Variants in TSHZ2 observed in about 807,000 individuals in gnomAD.
TSHZ2 encodes the protein teashirt zinc finger homeobox 2, also known as teashirt homolog 2.
TSHZ2 carries 21 observed loss-of-function variants against 74.4 expected under a neutral mutation model. The observed-to-expected ratio is 0.28, with a 90% CI of 0.20 to 0.41. The LOEUF (loss-of-function observed/expected upper bound fraction) is 0.41, where lower values mean the gene tolerates loss of function less well. Ranked by LOEUF, TSHZ2 falls within the 10% of genes least tolerant of loss-of-function variation. The pLI is 1.00. For missense variants in TSHZ2, 1,244 were observed against 1,293.5 expected, an observed-to-expected ratio of 0.96 and a Z score of 0.59; for synonymous variants, 540 against 515.3, an observed-to-expected ratio of 1.05 and a Z score of -0.65.
chr20:53,416,477 T>C (rs1600622601), intron 2 of TSHZ2, among the ~76,000 whole-genome samples: 3 of 152,320 alleles, frequency 2.0e-5, no homozygotes. Flanking sequence ...CTCTGTAGCC[T>C]CTACCAGGAA....
chr20:53,112,926 A>G (rs1194185672), intron 1 of TSHZ2, among the ~76,000 whole-genome samples: 1 of 152,196 alleles, frequency 6.6e-6, no homozygotes, highest in Non-Finnish European at 1.5e-5. Flanking sequence ...AAGATATTGG[A>G]TTCTTTGTAA....
intron 2 of TSHZ2, among the ~76,000 whole-genome samples, chr20:53,335,085 G>A (rs778972893): frequency 6.6e-6 from 1 of 152,308 alleles, no homozygotes; most frequent in Middle Eastern, 3.4e-3. Flanking sequence ...ACCCAGGTGA[G>A]AGACGACCAT....
intron 2 of TSHZ2, among the ~76,000 whole-genome samples, chr20:53,418,691 GAC>G (rs2145711781): frequency 6.6e-6 from 1 of 152,210 alleles, no homozygotes; most frequent in Admixed American, 6.5e-5. Flanking sequence ...TTTAGGTGGG[GAC>G]ACAGAGTCAA....
At chr20:53,363,882 T>G (rs1282106486) in intron 2 of TSHZ2, among the ~76,000 whole-genome samples, 1 of 152,214 alleles carries the variant, frequency 6.6e-6, no homozygotes, top group African/African-American at 2.4e-5. Flanking sequence ...ATCTCATTCT[T>G]TTATTTGAGA....
chr20:53,030,981 C>T (rs977204512), intron 1 of TSHZ2, among the ~76,000 whole-genome samples: 9 of 152,098 alleles, frequency 5.9e-5, no homozygotes, highest in East Asian at 3.9e-4. Context: ...CTATTAACTT[C>T]GCCTTATTGC....
At chr20:53,204,332 TATCATCA>T (rs1989103930) in intron 1 of TSHZ2, among the ~76,000 whole-genome samples, 1 of 141,432 alleles carries the variant, frequency 7.1e-6, no homozygotes, top group Non-Finnish European at 1.6e-5. Flanking sequence ...TATGATACTA[TATCATCA>T]TATAACATGA....
intron 2 of TSHZ2, among the ~76,000 whole-genome samples, chr20:53,297,954 T>C (rs1021004994): frequency 5.3e-5 from 8 of 152,212 alleles, no homozygotes; most frequent in African/African-American, 1.9e-4. Context: ...TTGTACAAAA[T>C]GTCGAAACTT....
chr20:53,096,807 G>C (rs536444359), intron 1 of TSHZ2, among the ~76,000 whole-genome samples: 2 of 151,736 alleles, frequency 1.3e-5, no homozygotes, highest in Admixed American at 6.6e-5. Flanking sequence ...GCTTGAAATC[G>C]GGAGGCAGAG....
Position 53,256,708 on chromosome 20 carries a change from GA to G in TSHZ2, c.*8+140del. On this transcript the variant is annotated intron_variant, in intron 2 of 2. Transcript: ENST00000371497. The surrounding 1 kb of genome is among the most constrained non-coding windows in gnomAD (Gnocchi z 4.3). ...TTGCTGGAGTAGGATTTATTTTAAT[GA>G]AAGACCAGAACATGAAAACTAAGTC... The G allele has an allele frequency of 4.4e-6, 6 of 1,361,610 alleles. No individual in the cohort carries two copies. The highest frequency in any genetic ancestry group is 5.8e-6 in the Non-Finnish European group (6 of 1,038,208). The allele number at this position is 1,361,610 out of a possible 1,614,324, so 84.3% of individuals were successfully genotyped here.
At chr20:53,018,056 A>G (rs1983106592) in intron 1 of TSHZ2, among the ~76,000 whole-genome samples, 1 of 152,292 alleles carries the variant, frequency 6.6e-6, no homozygotes, top group Admixed American at 6.5e-5. Flanking sequence ...ATCACATTCA[A>G]ACTGGTTTAT....
chr20:52,979,144 C>A (rs1041256296), intron 1 of TSHZ2, among the ~76,000 whole-genome samples: 2 of 152,086 alleles, frequency 1.3e-5, no homozygotes, highest in African/African-American at 4.8e-5. Context: ...TATTTACATG[C>A]CTCTAACATG....
rs773331078 is a variant in TSHZ2, at chr20:53,255,148, G to A, written c.1690G>A (p.Val564Ile). Residue 564 changes from valine (V) to isoleucine (I), a missense_variant, in exon 2 of 3, where the codon GTA becomes ATA. Transcript: ENST00000371497. This position sits in a 1 kb window ranked among gnomAD's most constrained non-coding sequence, Gnocchi z 4.1. ...TKPPLPMGSQ[V>I]LQIRPNLTNK... is the part of the protein sequence containing the mutation. Reference sequence around the variant, plus strand: ...GCCGCCTTTGCCTATGGGATCCCAGGTACTGCAGATCCGGCCTAATCTCAC... The same window carrying A: ...GCCGCCTTTGCCTATGGGATCCCAGATACTGCAGATCCGGCCTAATCTCAC... The A allele has an allele frequency of 3.1e-6, 5 of 1,614,158 alleles. No individual in the cohort carries two copies. The South Asian group carries it at 5.5e-5, about 18-fold the overall frequency.
intron 2 of TSHZ2, among the ~76,000 whole-genome samples, chr20:53,277,889 C>G (rs144143243): frequency 2.3e-4 from 35 of 152,314 alleles, no homozygotes; most frequent in African/African-American, 7.0e-4. Flanking sequence ...GTTTTGATGT[C>G]ATTGTTGCTT....
At chr20:53,005,421 C>A (rs1222472324) in intron 1 of TSHZ2, among the ~76,000 whole-genome samples, 1 of 151,272 alleles carries the variant, frequency 6.6e-6, no homozygotes, top group East Asian at 2.0e-4. Flanking sequence ...GCCATCTGAA[C>A]TCTTCCTGTT....
At chr20:53,363,328 C>T (rs149088349) in intron 2 of TSHZ2, among the ~76,000 whole-genome samples, 26 of 152,354 alleles carry the variant, frequency 1.7e-4, no homozygotes, top group African/African-American at 5.1e-4. Flanking sequence ...CCCAACCTAA[C>T]GTGGGCCATT....
intron 1 of TSHZ2, among the ~76,000 whole-genome samples, chr20:53,091,151 G>A (rs542900578): frequency 6.6e-6 from 1 of 152,272 alleles, no homozygotes; most frequent in South Asian, 2.1e-4. Flanking sequence ...ACATCAATTT[G>A]GTAATTTTGT....
chr20:53,187,354 A>T (rs1988624657), intron 1 of TSHZ2, among the ~76,000 whole-genome samples: 2 of 152,166 alleles, frequency 1.3e-5, no homozygotes, highest in Non-Finnish European at 2.9e-5. Context: ...GTCATTTCTG[A>T]TATAATATCG....
chr20:53,231,779 C>T (rs147452557), intron 1 of TSHZ2, among the ~76,000 whole-genome samples: 65 of 152,274 alleles, frequency 4.3e-4, no homozygotes, highest in South Asian at 2.5e-3. Context: ...GCTCACCTGT[C>T]GCTAAGACAT....
At chr20:53,486,003 A>G (rs536200731) in intron 2 of TSHZ2, among the ~76,000 whole-genome samples, 1 of 152,316 alleles carries the variant, frequency 6.6e-6, no homozygotes, top group East Asian at 1.9e-4. Context: ...TCATCTTACA[A>G]AAGATGAAAC....
Sources: allele counts gnomAD v4.1 joint callset (sites outside exome capture counted in the v4.1 genomes callset), GRCh38; gene constraint gnomAD v4.1.1; non-coding constraint Gnocchi (gnomAD v3.1); transcripts MANE v1.5; gene names NCBI Gene and HGNC (gene_info 2026-07-23, HGNC 2026-07-21).